The following LGALS4 variants were observed in gnomAD, a reference collection of about 807,000 sequenced individuals.
LGALS4 encodes the protein galectin-4.
In LGALS4, 37 loss-of-function variants were observed where a neutral mutation model predicts 39.6. The ratio of observed to expected loss-of-function variants is 0.93; its 90% CI spans 0.72 to 1.23. The LOEUF is 1.23. Among genes scored for constraint, LGALS4 ranks in the 50% most tolerant of loss-of-function variants. The probability of loss-of-function intolerance (pLI) is 0.00; values close to 1 mark genes in which losing one functional copy is unlikely to be tolerated. For synonymous variants in LGALS4, 160 were observed against 165.5 expected, an observed-to-expected ratio of 0.97 and a Z score of 0.25; for missense variants, 397 against 433.2, an observed-to-expected ratio of 0.92 and a Z score of 0.74.
intron 3 of LGALS4, among the ~76,000 whole-genome samples, chr19:38,807,289 G>A (rs375902483): frequency 6.6e-6 from 1 of 152,060 alleles, no homozygotes; most frequent in East Asian, 1.9e-4. Flanking sequence ...GATCACCTGA[G>A]CCCGGGGAGG....
At chr19:38,810,552 C>T (rs1283614117) in intron 2 of LGALS4, among the ~76,000 whole-genome samples, 3 of 151,698 alleles carry the variant, frequency 2.0e-5, no homozygotes, top group South Asian at 2.1e-4. Flanking sequence ...TTAGTAGAGA[C>T]GGGGTTTCAC....
intron 4 of LGALS4, 149 bp downstream of exon 4, chr19:38,806,312 G>A (rs1011798001): frequency 1.3e-6 from 1 of 793,084 alleles, no homozygotes; most frequent in Non-Finnish European, 1.9e-6. Flanking sequence ...AGCTTGCAGT[G>A]AGCCAAGATC....
rs558718536 is a variant in LGALS4 at position 38,802,875 on chromosome 19, A to T, written c.571-471T>A. On this transcript the variant is annotated intron_variant, in intron 7 of 9. Transcript: ENST00000307751. ...GTCATTTTAGTAGAGACGGGGATTCATCATGTTGACCAGGCTGATCTGGAA... is the reference window on the plus strand; with the variant it reads ...GTCATTTTAGTAGAGACGGGGATTCTTCATGTTGACCAGGCTGATCTGGAA... The T allele has an allele frequency of 2.4e-3, 408 of 168,644 alleles. 1 individual carries two copies. The highest frequency in any genetic ancestry group is 4.0e-3 in the Non-Finnish European group (316 of 78,564). 10.4% of individuals were successfully genotyped at this position (168,644 alleles called of 1,614,324 possible).
intron 2 of LGALS4, among the ~76,000 whole-genome samples, chr19:38,810,519 T>C (rs893078622): frequency 1.5e-4 from 22 of 151,478 alleles, no homozygotes; most frequent in African/African-American, 3.9e-4. Context: ...CCCGCCACCA[T>C]GCCCAGCTAA....
At chr19:38,808,218 A>G (rs1971446251) in intron 3 of LGALS4, among the ~76,000 whole-genome samples, 1 of 151,866 alleles carries the variant, frequency 6.6e-6, no homozygotes, top group Non-Finnish European at 1.5e-5. Context: ...GGATGGAAAA[A>G]GGAAATAAAT....
chr19:38,810,472 C>T (rs1300480854), intron 2 of LGALS4, among the ~76,000 whole-genome samples: 2 of 149,956 alleles, frequency 1.3e-5, no homozygotes, highest in African/African-American at 4.9e-5. Flanking sequence ...ACGCCATTCT[C>T]CTGCCTCAGC....
intron 3 of LGALS4, among the ~76,000 whole-genome samples, chr19:38,807,165 G>A (rs557699207): frequency 5.3e-5 from 8 of 151,598 alleles, no homozygotes; most frequent in South Asian, 4.2e-4. Flanking sequence ...TCAAGAGTTC[G>A]AGACCAGCTT....
chr19:38,805,565 T>C (rs1041366739), intron 4 of LGALS4, among the ~76,000 whole-genome samples: 11 of 152,110 alleles, frequency 7.2e-5, no homozygotes, highest in Non-Finnish European at 8.8e-5. Flanking sequence ...TCTCCAGCCC[T>C]GGGCCTGACC....
chr19:38,803,614 A>G (rs1404682675), intron 6 of LGALS4, 63 bp from the exon 7 acceptor site: 4 of 1,600,692 alleles, frequency 2.5e-6, no homozygotes, highest in Middle Eastern at 1.7e-4. Context: ...TGACACACCC[A>G]TTAGACTCCG....
At position 38,803,533 on chromosome 19, in the gene LGALS4, T is replaced by C. The variant is rs1009920946; in HGVS notation, c.559A>G (p.Thr187Ala). The change falls in exon 7 of 10, where the codon ACC (threonine) becomes GCC (alanine). Residue 187 changes from threonine (T) to alanine (A), a missense_variant. By Grantham distance (58) the Thr-to-Ala change is moderately conservative. Coordinates refer to ENST00000307751, the MANE Select transcript of LGALS4 (RefSeq NM_006149.4). ...NSLPTMEGPP[T>A]FNPPVPYFGR... ...TCCCCAAGCCATACCGGGTTGAAGG[T>C]TGGGGGTCCTTCCATGGTCTGTGAA... 9 of 1,613,922 alleles carry C rather than the reference T, an allele frequency of 5.6e-6. No individual in the cohort carries two copies. The highest frequency in any genetic ancestry group is 2.2e-5 in the East Asian group (1 of 44,890).
intron 4 of LGALS4, among the ~76,000 whole-genome samples, chr19:38,805,791 G>A (rs556967600): frequency 6.6e-6 from 1 of 152,304 alleles, no homozygotes; most frequent in East Asian, 1.9e-4. Flanking sequence ...TGTGGAATGC[G>A]CTGGGCACCA....
intron 4 of LGALS4, 117 bp downstream of exon 4, chr19:38,806,342 TGG>T: frequency 8.5e-7 from 1 of 1,179,460 alleles, no homozygotes; most frequent in Admixed American, 2.3e-5. Context: ...CACTCCAACC[TGG>T]GCGACAGAGT....
intron 4 of LGALS4, among the ~76,000 whole-genome samples, chr19:38,805,479 T>C (rs1971412156): frequency 6.6e-6 from 1 of 151,912 alleles, no homozygotes. Context: ...CCTGACCATT[T>C]CTGGGCTGTC....
In LGALS4 at chr19:38,801,684, TCAGA is replaced by T. The variant is rs1971357147; in HGVS notation, c.*76_*79del. 6.7e-7 allele frequency: 1 copy of T among 1,495,612 alleles called. No homozygotes were observed. Among genetic ancestry groups the T allele is most frequent in the Non-Finnish European group, 9.2e-7 (1 of 1,089,672 alleles). The allele number at this position is 1,495,612 out of a possible 1,614,324, so 92.6% of individuals were successfully genotyped here. Reference sequence around the variant, plus strand: ...GGAGACACACACTCATGAGACACCCTCAGACATTTTATTAGGGGCTTAGAAAGGA... The same window carrying T: ...GGAGACACACACTCATGAGACACCCTCATTTTATTAGGGGCTTAGAAAGGA... On this transcript the variant is annotated 3_prime_UTR_variant, in exon 10 of 10. Transcript: ENST00000307751.
At chr19:38,811,060 C>T (rs1374454757) in intron 2 of LGALS4, among the ~76,000 whole-genome samples, 32 of 152,090 alleles carry the variant, frequency 2.1e-4, no homozygotes, top group African/African-American at 7.0e-4. Context: ...CGCCACCACG[C>T]CCTGGTAATT....
intron 2 of LGALS4, among the ~76,000 whole-genome samples, chr19:38,810,584 G>A (rs1159666563): frequency 2.6e-5 from 4 of 151,896 alleles, no homozygotes; most frequent in East Asian, 1.9e-4. Flanking sequence ...GGATGGTCTC[G>A]ATCTCCTGAC....
At chr19:38,804,525 C>T (rs574977130) in intron 4 of LGALS4, among the ~76,000 whole-genome samples, 2 of 152,124 alleles carry the variant, frequency 1.3e-5, no homozygotes, top group Admixed American at 6.6e-5. Flanking sequence ...GTGATCCGCT[C>T]GCCTCACCCT....
chr19:38,803,963 G>T, intron 4 of LGALS4, 68 bp from the exon 5 acceptor site: 1 of 1,536,064 alleles, frequency 6.5e-7, no homozygotes, highest in Non-Finnish European at 8.8e-7. Flanking sequence ...GATGTCGAGA[G>T]TGCCTGCCCT....
intron 2 of LGALS4, among the ~76,000 whole-genome samples, chr19:38,811,840 C>A (rs552222573): frequency 2.4e-4 from 37 of 151,906 alleles, no homozygotes; most frequent in African/African-American, 8.9e-4. Flanking sequence ...ATGGTGAAAC[C>A]CCATCTCTAC....
Sources: gnomAD v4.1 joint callset for allele counts (sites outside exome capture counted in the v4.1 genomes callset) on GRCh38, gnomAD v4.1.1 for gene constraint, MANE v1.5 for transcripts, NCBI Gene and HGNC (gene_info 2026-07-23, HGNC 2026-07-21) for gene names.